SKAP1: variants seen among roughly 807,000 people sequenced by gnomAD.
SKAP1 encodes src kinase-associated phosphoprotein 1.
A neutral mutation model predicts 58.5 loss-of-function variants in SKAP1; 44 were observed. The ratio of observed to expected loss-of-function variants is 0.75; its 90% CI spans 0.59 to 0.97. SKAP1 has a LOEUF of 0.97. Among genes scored for constraint, SKAP1 ranks in the 50% least tolerant of loss-of-function variants. The pLI is 0.00. For missense variants in SKAP1, 390 were observed against 435.2 expected (o/e 0.90, Z 0.92); for synonymous variants, 127 against 149.7 (o/e 0.85, Z 1.11).
At chr17:48,264,745 A>AC (rs2065522506) in intron 4 of SKAP1, among the ~76,000 whole-genome samples, 3 of 142,752 alleles carry the variant, frequency 2.1e-5, no homozygotes, top group South Asian at 2.3e-4. Context: ...AAATCTACAA[A>AC]ACACACACAC....
At chr17:48,173,811 C>T (rs2064250393) in intron 9 of SKAP1, among the ~76,000 whole-genome samples, 1 of 152,196 alleles carries the variant, frequency 6.6e-6, no homozygotes, top group African/African-American at 2.4e-5. Flanking sequence ...ACCTCCTTCC[C>T]ACCACCATTA....
intron 11 of SKAP1, among the ~76,000 whole-genome samples, chr17:48,149,421 G>A (rs2063871892): frequency 6.6e-6 from 1 of 152,086 alleles, no homozygotes; most frequent in Non-Finnish European, 1.5e-5. Context: ...AAGAAAATTA[G>A]GATTCCTTTT....
At chr17:48,300,386 A>C (rs1283582679) in intron 4 of SKAP1, among the ~76,000 whole-genome samples, 1 of 131,734 alleles carries the variant, frequency 7.6e-6, no homozygotes, top group Non-Finnish European at 1.6e-5. Flanking sequence ...ATTTTGAAAA[A>C]GGAGGAGAAG....
intron 4 of SKAP1, among the ~76,000 whole-genome samples, chr17:48,297,578 T>G (rs949295416): frequency 6.6e-6 from 1 of 152,128 alleles, no homozygotes; most frequent in African/African-American, 2.4e-5. Context: ...ATTAACCAAT[T>G]AAAAGTAGAG....
At position 48,327,733 on chromosome 17, in the gene SKAP1, G is replaced by A. The variant is rs745986215; in HGVS notation, c.280+18172C>T. 3.9e-5 allele frequency among the ~76,000 whole-genome samples: 6 copies of A among 152,096 alleles called. No homozygotes were observed. In the South Asian group the frequency reaches 8.3e-4, roughly 21 times the overall value. ...AGCCTCAACCTCCTGGGCTCAAGCC[G>A]TCCTCCCTCAGCCTCCCAAGTAGCT... On this transcript the variant is annotated intron_variant, in intron 4 of 12. Coordinates refer to ENST00000336915, the MANE Select transcript of SKAP1 (RefSeq NM_003726.4).
intron 11 of SKAP1, among the ~76,000 whole-genome samples, chr17:48,146,538 C>G (rs2063835013): frequency 6.6e-6 from 1 of 151,806 alleles, no homozygotes; most frequent in Non-Finnish European, 1.5e-5. Context: ...CTAACTGCTT[C>G]CATGCTGGAT....
chr17:48,210,557 G>A (rs1451806532), intron 4 of SKAP1, among the ~76,000 whole-genome samples: 1 of 152,128 alleles, frequency 6.6e-6, no homozygotes, highest in African/African-American at 2.4e-5. Context: ...CGAGGGGCAA[G>A]AGAAGTGCTA....
Position 48,189,417 on chromosome 17 carries a change from C to G in SKAP1, c.358+6G>C. On this transcript the variant is annotated splice_donor_region_variant and intron_variant, in intron 5 of 12. Transcript: ENST00000336915. Reference sequence around the variant, plus strand: ...ATGTTCTGAAATCTGTGGGTCTGACCAATACCTTTGCTTTTCTTCTCCAAG... The same window carrying G: ...ATGTTCTGAAATCTGTGGGTCTGACGAATACCTTTGCTTTTCTTCTCCAAG... The G allele has an allele frequency of 6.2e-7, 1 of 1,608,926 alleles. No homozygotes were observed. The highest frequency in any genetic ancestry group is 8.5e-7 in the Non-Finnish European group (1 of 1,176,476).
chr17:48,337,060 G>A (rs2144291705), intron 4 of SKAP1, among the ~76,000 whole-genome samples: 1 of 152,206 alleles, frequency 6.6e-6, no homozygotes, highest in East Asian at 1.9e-4. Flanking sequence ...TTCTATAAGT[G>A]AAAACTTCCC....
intron 2 of SKAP1, among the ~76,000 whole-genome samples, chr17:48,372,898 T>C (rs1441552434): frequency 6.6e-6 from 1 of 151,866 alleles, no homozygotes; most frequent in African/African-American, 2.4e-5. Flanking sequence ...TCCTCCTGCT[T>C]TGGCCTCCCC....
In SKAP1 at chr17:48,422,321, AAAAC is replaced by A. The variant is rs796396030; in HGVS notation, c.46+7750_46+7753del. Among the ~76,000 whole-genome samples the A allele has an allele frequency of 4.3e-4, 65 of 152,348 alleles. 1 individual carries two copies. Among genetic ancestry groups the A allele is most frequent in the African/African-American group, 1.5e-3 (64 of 41,590 alleles). On this transcript the variant is annotated intron_variant, in intron 1 of 12. Coordinates refer to ENST00000336915, the MANE Select transcript of SKAP1 (RefSeq NM_003726.4). ...GTTTTACTGTGGAAAGGCAGCTGCC[AAAAC>A]AAACAAACAAAAGAGGTCAGCTGGA... is the stretch of plus-strand genomic sequence containing the variant.
intron 4 of SKAP1, among the ~76,000 whole-genome samples, chr17:48,276,816 C>T (rs9303541): frequency 0.61 from 93,139 of 151,824 alleles, 29,227 homozygotes; most frequent in African/African-American, 0.75. Flanking sequence ...GCTTAATTGA[C>T]ATATGTTTCT....
chr17:48,194,721 G>A (rs1169174033), intron 4 of SKAP1, among the ~76,000 whole-genome samples: 2 of 152,050 alleles, frequency 1.3e-5, no homozygotes, highest in South Asian at 2.1e-4. Flanking sequence ...TGTTCAAATC[G>A]TCCCCCTGTT....
intron 7 of SKAP1, among the ~76,000 whole-genome samples, chr17:48,184,177 G>A (rs3897986): frequency 0.53 from 80,661 of 152,010 alleles, 23,171 homozygotes; most frequent in East Asian, 0.77. Context: ...TTCTTGCCCC[G>A]ACCAGGTCCT....
intron 11 of SKAP1, among the ~76,000 whole-genome samples, chr17:48,141,360 C>A (rs2063765213): frequency 7.0e-6 from 1 of 142,910 alleles, no homozygotes; most frequent in Admixed American, 7.1e-5. Context: ...GTTCCCAATG[C>A]CCCTTGTTAA....
chr17:48,359,820 G>A (rs2066914929), intron 3 of SKAP1, among the ~76,000 whole-genome samples: 1 of 151,886 alleles, frequency 6.6e-6, no homozygotes, highest in Admixed American at 6.6e-5. Context: ...TGCCCAGATT[G>A]ATCTCAAACT....
intron 4 of SKAP1, among the ~76,000 whole-genome samples, chr17:48,303,512 T>G (rs72827821): frequency 0.015 from 2,329 of 152,334 alleles, 18 homozygotes; most frequent in Non-Finnish European, 0.024. Context: ...TCACTACAGC[T>G]CTATGACCAA....
chr17:48,366,690 A>T (rs563840426), intron 2 of SKAP1, among the ~76,000 whole-genome samples: 94 of 152,272 alleles, frequency 6.2e-4, no homozygotes, highest in Middle Eastern at 6.8e-3. Context: ...AAACATAGCT[A>T]ATCAAGCAAA....
At chr17:48,265,355 A>G (rs1467809363) in intron 4 of SKAP1, among the ~76,000 whole-genome samples, 1 of 152,138 alleles carries the variant, frequency 6.6e-6, no homozygotes, top group Non-Finnish European at 1.5e-5. Context: ...AATACAAAAA[A>G]TTAGCCCGGC....
Sources: gnomAD v4.1 joint callset for allele counts (sites outside exome capture counted in the v4.1 genomes callset) on GRCh38, gnomAD v4.1.1 for gene constraint, MANE v1.5 for transcripts, NCBI Gene and HGNC (gene_info 2026-07-23, HGNC 2026-07-21) for gene names.